PKNOX2: variants seen among roughly 807,000 people sequenced by gnomAD.
The protein encoded by PKNOX2 is homeobox protein PKNOX2.
PKNOX2 carries 14 observed loss-of-function variants against 53.1 expected under a neutral mutation model. The observed-to-expected ratio is 0.26, with a 90% CI of 0.17 to 0.41. The LOEUF (loss-of-function observed/expected upper bound fraction) is 0.41, where lower values mean the gene tolerates loss of function less well. Among genes scored for constraint, PKNOX2 ranks in the 10% least tolerant of loss-of-function variants. The pLI, the probability that PKNOX2 is intolerant of heterozygous loss-of-function variation, is 1.00. For synonymous variants in PKNOX2, 257 were observed against 242.8 expected, an observed-to-expected ratio of 1.06 and a Z score of -0.54; for missense variants, 496 against 602.8, an observed-to-expected ratio of 0.82 and a Z score of 1.85.
At chr11:125,411,918 C>T (rs1275783859) in intron 10 of PKNOX2, 53 bp downstream of exon 10, 7 of 1,609,904 alleles carry the variant, frequency 4.3e-6, no homozygotes, top group Non-Finnish European at 3.4e-6. Context: ...TATGAATAAC[C>T]CACCGTGTGG....
chr11:125,394,959 C>CGTGTGT (rs112812944), intron 6 of PKNOX2, among the ~76,000 whole-genome samples: 5,604 of 149,558 alleles, frequency 0.037, 135 homozygotes, highest in Admixed American at 0.059. Flanking sequence ...TACGTGCCCT[C>CGTGTGT]GTGTGTGTGT....
chr11:125,188,865 T>C (rs944105128), intron 1 of PKNOX2, among the ~76,000 whole-genome samples: 11 of 152,024 alleles, frequency 7.2e-5, no homozygotes, highest in Admixed American at 2.6e-4. Context: ...GCCTTTTTTT[T>C]TTCTTTTAAA....
intron 2 of PKNOX2, among the ~76,000 whole-genome samples, chr11:125,243,638 T>G (rs75845153): frequency 4.0e-5 from 6 of 151,850 alleles, no homozygotes; most frequent in Non-Finnish European, 7.4e-5. Flanking sequence ...TTTTTTTTTT[T>G]TTGAGATAGG....
intron 2 of PKNOX2, among the ~76,000 whole-genome samples, chr11:125,274,929 T>C (rs569414935): frequency 3.5e-4 from 53 of 152,272 alleles, no homozygotes; most frequent in African/African-American, 1.2e-3. Flanking sequence ...GGTGCAGAGA[T>C]AAGTAAGACA....
chr11:125,268,774 C>T lies in PKNOX2; in HGVS notation c.-130+33659C>T, dbSNP rs111706061. Among the ~76,000 whole-genome samples, 606 of 151,890 alleles carry T rather than the reference C, an allele frequency of 4.0e-3. 2 individuals are homozygous for T. Among genetic ancestry groups the T allele is most frequent in the African/African-American group, 0.012 (494 of 41,374 alleles). ...TGCCTGTGCCTGTGAGATCTGGGCTCGGACAAGCACTTTAAACCCACAAGT... is the reference window on the plus strand; with the variant it reads ...TGCCTGTGCCTGTGAGATCTGGGCTTGGACAAGCACTTTAAACCCACAAGT... On this transcript the variant is annotated intron_variant, in intron 2 of 12. Coordinates refer to ENST00000298282, the MANE Select transcript of PKNOX2 (RefSeq NM_001382323.2).
At chr11:125,341,049 CAA>C (rs58556639) in intron 3 of PKNOX2, among the ~76,000 whole-genome samples, 12,077 of 44,904 alleles carry the variant, frequency 0.27, 993 homozygotes, top group African/African-American at 0.49. Flanking sequence ...GACTCCATCT[CAA>C]AAAAAAAAAA....
At chr11:125,170,581 C>T (rs947460808) in intron 1 of PKNOX2, among the ~76,000 whole-genome samples, 7 of 152,204 alleles carry the variant, frequency 4.6e-5, no homozygotes, top group East Asian at 3.9e-4. Context: ...GCTGCAAATG[C>T]GTTGTCTTCA....
At chr11:125,250,602 A>G (rs1341159762) in intron 2 of PKNOX2, among the ~76,000 whole-genome samples, 1 of 151,878 alleles carries the variant, frequency 6.6e-6, no homozygotes, top group Non-Finnish European at 1.5e-5. Context: ...GGGAAAACAG[A>G]GAGAGGTCAG....
At chr11:125,257,068 A>T (rs1458612651) in intron 2 of PKNOX2, among the ~76,000 whole-genome samples, 1 of 149,920 alleles carries the variant, frequency 6.7e-6, no homozygotes, top group Non-Finnish European at 1.5e-5. Flanking sequence ...ATTATGCTTC[A>T]GTTACAATTT....
At chr11:125,226,013 T>C (rs987994150) in intron 1 of PKNOX2, among the ~76,000 whole-genome samples, 1 of 152,254 alleles carries the variant, frequency 6.6e-6, no homozygotes. Flanking sequence ...AGCAGAGGTG[T>C]GGCAACTTGC....
chr11:125,194,388 C>A (rs1299278963), intron 1 of PKNOX2, among the ~76,000 whole-genome samples: 1 of 152,182 alleles, frequency 6.6e-6, no homozygotes, highest in Non-Finnish European at 1.5e-5. Flanking sequence ...TTCAGGGTCT[C>A]CTGAGAACCT....
intron 2 of PKNOX2, among the ~76,000 whole-genome samples, chr11:125,298,183 G>A (rs1023069753): frequency 2.0e-5 from 3 of 152,198 alleles, no homozygotes; most frequent in Non-Finnish European, 4.4e-5. Context: ...ACAGGCAGAG[G>A]CTGTTGGTTA....
intron 2 of PKNOX2, among the ~76,000 whole-genome samples, chr11:125,265,647 G>A (rs561946081): frequency 1.6e-4 from 24 of 152,268 alleles, no homozygotes; most frequent in African/African-American, 5.3e-4. Flanking sequence ...GGGGCAGTGC[G>A]GGGCTGTCAC....
intron 7 of PKNOX2, among the ~76,000 whole-genome samples, chr11:125,401,295 G>A (rs114562067): frequency 0.029 from 4,390 of 152,238 alleles, 192 homozygotes; most frequent in African/African-American, 0.089. Context: ...AGGACAGACG[G>A]AGAGAGGAAC....
chr11:125,165,235 T>TCGAATCGCCGCGGGCC lies in PKNOX2; in HGVS notation c.-201+461_-201+476dup, dbSNP rs1954770251. Among the ~76,000 whole-genome samples the TCGAATCGCCGCGGGCC allele has an allele frequency of 6.6e-6, 1 of 151,578 alleles. No individual in the cohort carries two copies. Among genetic ancestry groups the TCGAATCGCCGCGGGCC allele is most frequent in the South Asian group, 2.1e-4 (1 of 4,812 alleles). On this transcript the variant is annotated intron_variant, in intron 1 of 12. Transcript: ENST00000298282. This position sits in a 1 kb window ranked among gnomAD's most constrained non-coding sequence, Gnocchi z 4.5. ...GGGTGCAAGGAGCCGGGCTGCGGAC[T>TCGAATCGCCGCGGGCC]CGAATCGCCGCGGGCCCAACCCCGT...
chr11:125,197,520 GC>G (rs1168818420), intron 1 of PKNOX2, among the ~76,000 whole-genome samples: 42 of 152,166 alleles, frequency 2.8e-4, no homozygotes, highest in Non-Finnish European at 4.6e-4. Context: ...GAGAGGCTCT[GC>G]CCCGGTCTTC....
At chr11:125,325,039 A>G (rs1949752700) in intron 2 of PKNOX2, among the ~76,000 whole-genome samples, 1 of 152,176 alleles carries the variant, frequency 6.6e-6, no homozygotes, top group Admixed American at 6.5e-5. Context: ...AAATAAGAAA[A>G]TCCTGCTGGG....
chr11:125,236,526 G>A (rs1942712329), intron 2 of PKNOX2, among the ~76,000 whole-genome samples: 1 of 152,190 alleles, frequency 6.6e-6, no homozygotes, highest in Non-Finnish European at 1.5e-5. Context: ...AGAGCTGAGA[G>A]CGTGGGGGGA....
intron 10 of PKNOX2, among the ~76,000 whole-genome samples, chr11:125,424,492 G>C (rs1956314054): frequency 6.6e-6 from 1 of 152,112 alleles, no homozygotes. Context: ...TCCTAGAGTG[G>C]AACCACCCCA....
Sources: allele counts gnomAD v4.1 joint callset (sites outside exome capture counted in the v4.1 genomes callset), GRCh38; gene constraint gnomAD v4.1.1; non-coding constraint Gnocchi (gnomAD v3.1); transcripts MANE v1.5; gene names NCBI Gene and HGNC (gene_info 2026-07-23, HGNC 2026-07-21).